TMEM135: variants seen among roughly 807,000 people sequenced by gnomAD.
TMEM135 encodes transmembrane protein 135, also known as peroxisomal membrane protein 52.
A neutral mutation model predicts 60.3 loss-of-function variants in TMEM135; 30 were observed. The observed-to-expected ratio is 0.50, with a 90% CI of 0.37 to 0.68. The LOEUF (loss-of-function observed/expected upper bound fraction) is 0.68. TMEM135 is among the 30% of genes least tolerant of loss of function. The pLI is 0.00. For missense variants in TMEM135, 468 were observed against 548.8 expected (o/e 0.85, Z 1.47); for synonymous variants, 190 against 186.7 (o/e 1.02, Z -0.14).
intron 4 of TMEM135, among the ~76,000 whole-genome samples, chr11:87,157,074 G>GTTTTT (rs199977904): frequency 7.3e-6 from 1 of 137,874 alleles, no homozygotes; most frequent in Non-Finnish European, 1.6e-5. Flanking sequence ...TCTTTCTTTT[G>GTTTTT]TTTTTTTTTT....
intron 10 of TMEM135, among the ~76,000 whole-genome samples, chr11:87,309,900 A>G (rs568198084): frequency 5.3e-5 from 8 of 152,292 alleles, no homozygotes; most frequent in African/African-American, 1.9e-4. Context: ...TTGCATTTAC[A>G]TATGGTATTA....
At chr11:87,232,489 A>G (rs1940910828) in intron 5 of TMEM135, among the ~76,000 whole-genome samples, 1 of 152,136 alleles carries the variant, frequency 6.6e-6, no homozygotes, top group African/African-American at 2.4e-5. Context: ...CATCATAACA[A>G]ATTGTGAAAA....
intron 5 of TMEM135, among the ~76,000 whole-genome samples, chr11:87,159,617 A>ACACACACACACACACACACACACACC (rs140303858): frequency 3.3e-5 from 5 of 149,458 alleles, no homozygotes; most frequent in African/African-American, 1.2e-4. Context: ...ACACACACAC[A>ACACACACACACACACACACACACACC]CCATAGATTT....
chr11:87,167,754 T>C (rs1181047043), intron 5 of TMEM135, among the ~76,000 whole-genome samples: 1 of 152,192 alleles, frequency 6.6e-6, no homozygotes, highest in Admixed American at 6.5e-5. Flanking sequence ...ATCAGGGATA[T>C]TGGCCTGAAA....
rs1430646875 is a variant in TMEM135 at position 87,309,557 on chromosome 11, T to A, written c.821T>A (p.Ile274Asn). 1 of 1,613,808 alleles carries A rather than the reference T, an allele frequency of 6.2e-7. No homozygotes were observed. The highest frequency in any genetic ancestry group is 8.5e-7 in the Non-Finnish European group (1 of 1,179,832). Residue 274 changes from isoleucine to asparagine, a missense_variant, in exon 10 of 15, where the codon ATC (isoleucine) becomes AAC (asparagine). Physicochemically the swap from Ile to Asn is moderately radical, Grantham distance 149. Transcript: ENST00000305494. The stretch of plus-strand genomic sequence containing the variant: ...TACTTGATCCAGTGCTGCCTCCGAA[T>A]CCCTTCTGCATTTAGGCATCTGTTT... ...VGYLIQCCLR[I>N]PSAFRHLFTQ... is the part of the protein sequence containing the mutation.
intron 5 of TMEM135, among the ~76,000 whole-genome samples, chr11:87,203,165 A>G (rs1275688642): frequency 6.6e-6 from 1 of 152,008 alleles, no homozygotes; most frequent in Admixed American, 6.6e-5. Flanking sequence ...CCCGCACCAG[A>G]CTGGACACTT....
At chr11:87,249,951 G>A (rs1271800629) in intron 6 of TMEM135, among the ~76,000 whole-genome samples, 2 of 151,990 alleles carry the variant, frequency 1.3e-5, no homozygotes, top group Non-Finnish European at 1.5e-5. Context: ...TTTGCTGGGA[G>A]GCTTTTTATT....
chr11:87,301,288 G>C (rs147623148), intron 7 of TMEM135, among the ~76,000 whole-genome samples: 150 of 151,842 alleles, frequency 9.9e-4, no homozygotes, highest in Non-Finnish European at 1.4e-3. Flanking sequence ...GGGTCATACT[G>C]TATTGCCTAG....
At chr11:87,241,273 TG>T (rs1450473294) in intron 6 of TMEM135, among the ~76,000 whole-genome samples, 2 of 152,244 alleles carry the variant, frequency 1.3e-5, no homozygotes, top group African/African-American at 4.8e-5. Flanking sequence ...AAAAAACTTT[TG>T]ATCTTGGCGT....
chr11:87,173,132 T>C (rs1939282368), intron 5 of TMEM135, among the ~76,000 whole-genome samples: 1 of 152,160 alleles, frequency 6.6e-6, no homozygotes, highest in South Asian at 2.1e-4. Flanking sequence ...TTTTTGTCTT[T>C]ACTGCTTCCC....
chr11:87,097,041 G>C (rs1857346360), intron 4 of TMEM135, among the ~76,000 whole-genome samples: 1 of 150,680 alleles, frequency 6.6e-6, no homozygotes, highest in South Asian at 2.1e-4. Context: ...CTGTCACCCA[G>C]GCTGGAGTGC....
At chr11:87,194,116 G>C (rs79886640) in intron 5 of TMEM135, among the ~76,000 whole-genome samples, 354 of 152,108 alleles carry the variant, frequency 2.3e-3, no homozygotes, top group African/African-American at 8.0e-3. Context: ...CCTTTTAATG[G>C]ATTTTACTTC....
chr11:87,042,471 G>A (rs1178216785), intron 1 of TMEM135, among the ~76,000 whole-genome samples: 3 of 152,184 alleles, frequency 2.0e-5, no homozygotes, highest in Non-Finnish European at 4.4e-5. Flanking sequence ...AATAGGTTTT[G>A]GTTTTTATGA....
chr11:87,136,896 C>T (rs1010553191), intron 4 of TMEM135, among the ~76,000 whole-genome samples: 1 of 151,976 alleles, frequency 6.6e-6, no homozygotes, highest in Non-Finnish European at 1.5e-5. Context: ...TTCTTCTTTT[C>T]CAGATTATAG....
intron 4 of TMEM135, among the ~76,000 whole-genome samples, chr11:87,098,803 C>G (rs887561859): frequency 2.6e-5 from 4 of 152,038 alleles, no homozygotes; most frequent in Non-Finnish European, 5.9e-5. Flanking sequence ...ATTCTCCTGC[C>G]TCAGCCTCCC....
At chr11:87,236,808 C>G in intron 6 of TMEM135, 124 bp downstream of exon 6, 1 of 891,674 alleles carries the variant, frequency 1.1e-6, no homozygotes, top group Non-Finnish European at 1.8e-6. Flanking sequence ...TCCCCCCGCA[C>G]CCCCGCCCAG....
chr11:87,246,434 T>C (rs1170597455), intron 6 of TMEM135, among the ~76,000 whole-genome samples: 2 of 152,132 alleles, frequency 1.3e-5, no homozygotes, highest in Non-Finnish European at 2.9e-5. Context: ...CTGGATAATA[T>C]CCTGCAGAGT....
chr11:87,088,016 G>A (rs944992936), intron 3 of TMEM135, among the ~76,000 whole-genome samples: 5 of 152,154 alleles, frequency 3.3e-5, no homozygotes, highest in Non-Finnish European at 5.9e-5. Flanking sequence ...GGGATTACAG[G>A]TGTGAGCCAC....
At chr11:87,160,260 T>A (rs971831435) in intron 5 of TMEM135, among the ~76,000 whole-genome samples, 3 of 152,198 alleles carry the variant, frequency 2.0e-5, no homozygotes, top group Admixed American at 6.5e-5. Context: ...TTGAAGAAAT[T>A]TTGAAATGGG....
Sources: allele counts gnomAD v4.1 joint callset (sites outside exome capture counted in the v4.1 genomes callset), GRCh38; gene constraint gnomAD v4.1.1; transcripts MANE v1.5; gene names NCBI Gene and HGNC (gene_info 2026-07-23, HGNC 2026-07-21).